The following PPM1E variants were observed in gnomAD, a reference collection of about 807,000 sequenced individuals.
The protein encoded by PPM1E is protein phosphatase 1E.
In PPM1E, 20 loss-of-function variants were observed where a neutral mutation model predicts 65.9. The observed-to-expected ratio is 0.30, with a 90% CI of 0.21 to 0.44. The LOEUF (loss-of-function observed/expected upper bound fraction) is 0.44, where lower values mean the gene tolerates loss of function less well. Among genes scored for constraint, PPM1E ranks in the 20% least tolerant of loss-of-function variants. The pLI is 1.00. For missense variants in PPM1E, 713 were observed against 953.1 expected (o/e 0.75, Z 3.32); for synonymous variants, 352 against 374.9 (o/e 0.94, Z 0.70).
At position 58,893,379 on chromosome 17, in the gene PPM1E, G is replaced by A. The variant is rs188774511; in HGVS notation, c.465-62270G>A. 2.6e-5 allele frequency among the ~76,000 whole-genome samples: 4 copies of A among 152,230 alleles called. No individual in the cohort carries two copies. In the East Asian group the frequency reaches 7.7e-4, roughly 29 times the overall value. ...TGAAAAGGATGCCTATTGTATGATT[G>A]CAACTATATAACATACTGGAAAAAG... On this transcript the variant is annotated intron_variant, in intron 1 of 6. Coordinates refer to ENST00000308249, the MANE Select transcript of PPM1E (RefSeq NM_014906.5).
chr17:58,887,981 G>T (rs1268070634), intron 1 of PPM1E, among the ~76,000 whole-genome samples: 1 of 152,192 alleles, frequency 6.6e-6, no homozygotes, highest in Admixed American at 6.6e-5. Context: ...ACTTGTTTAT[G>T]TGGTGTACGT....
chr17:58,922,583 T>C (rs2051766455), intron 1 of PPM1E, among the ~76,000 whole-genome samples: 1 of 152,122 alleles, frequency 6.6e-6, no homozygotes, highest in Non-Finnish European at 1.5e-5. Flanking sequence ...ATGGCTGCAT[T>C]GTATTCCATT....
At chr17:58,909,887 TTTTC>T (rs753479819) in intron 1 of PPM1E, among the ~76,000 whole-genome samples, 98 of 150,512 alleles carry the variant, frequency 6.5e-4, no homozygotes, top group East Asian at 4.1e-3. Context: ...TCTTAGTCAT[TTTTC>T]TTTCTTTCTT....
intron 6 of PPM1E, among the ~76,000 whole-genome samples, chr17:58,978,719 T>C (rs2031178114): frequency 6.6e-6 from 1 of 151,952 alleles, no homozygotes; most frequent in Non-Finnish European, 1.5e-5. Flanking sequence ...AATAAAAAAG[T>C]GAATTGAGAG....
intron 1 of PPM1E, among the ~76,000 whole-genome samples, chr17:58,947,564 C>T (rs565363519): frequency 3.4e-5 from 5 of 147,714 alleles, no homozygotes; most frequent in African/African-American, 1.0e-4. Context: ...ACTTATTTGA[C>T]CTCTCAGCAA....
intron 1 of PPM1E, among the ~76,000 whole-genome samples, chr17:58,867,046 T>C (rs1340675226): frequency 6.6e-6 from 1 of 152,222 alleles, no homozygotes; most frequent in Non-Finnish European, 1.5e-5. Context: ...AGTGGTATGA[T>C]CTCGGCTCAC....
At chr17:58,761,480 T>C (rs1325159005) in intron 1 of PPM1E, among the ~76,000 whole-genome samples, 2 of 152,212 alleles carry the variant, frequency 1.3e-5, no homozygotes, top group Non-Finnish European at 2.9e-5. Flanking sequence ...ATCCACCCAC[T>C]TCATCCCAGC....
At chr17:58,765,387 A>G (rs1004781670) in intron 1 of PPM1E, among the ~76,000 whole-genome samples, 1 of 151,924 alleles carries the variant, frequency 6.6e-6, no homozygotes, top group South Asian at 2.1e-4. Flanking sequence ...CATGTTGGCC[A>G]GGATGGTCTT....
intron 1 of PPM1E, chr17:58,899,603 G>T: frequency 4.5e-6 from 1 of 220,326 alleles, no homozygotes; most frequent in Non-Finnish European, 9.6e-6. Flanking sequence ...CTGTAAAGTG[G>T]TTGGTTGCAG....
intron 1 of PPM1E, among the ~76,000 whole-genome samples, chr17:58,920,780 G>T (rs914237116): frequency 1.3e-5 from 2 of 152,024 alleles, no homozygotes; most frequent in African/African-American, 4.8e-5. Context: ...ACATACAATG[G>T]GAGTCATCAG....
Position 58,943,276 on chromosome 17 carries a change from A to G in PPM1E, c.465-12373A>G, listed in dbSNP as rs145482841. ...TGCAAAACCCCAAATCCTTCTTGTC[A>G]GAGACATTTCTCTAAAACTTAAATA... On this transcript the variant is annotated intron_variant, in intron 1 of 6. Transcript: ENST00000308249. Among the ~76,000 whole-genome samples the G allele has an allele frequency of 1.0e-3, 158 of 152,192 alleles. 1 individual carries two copies. Among genetic ancestry groups the G allele is most frequent in the African/African-American group, 3.6e-3 (150 of 41,528 alleles).
intron 1 of PPM1E, among the ~76,000 whole-genome samples, chr17:58,917,903 CTCTAT>C (rs1275296067): frequency 6.6e-6 from 1 of 152,008 alleles, no homozygotes; most frequent in Non-Finnish European, 1.5e-5. Context: ...TGGTAAATTA[CTCTAT>C]TCTTAGTTGG....
chr17:58,813,643 G>A (rs2050390410), intron 1 of PPM1E, among the ~76,000 whole-genome samples: 1 of 152,108 alleles, frequency 6.6e-6, no homozygotes, highest in Admixed American at 6.6e-5. Context: ...AAGATTAAAT[G>A]GGGGAATAAA....
At position 58,805,958 on chromosome 17, in the gene PPM1E, AAACAAAAAAAAAAAACAAAAAAAAAAC is replaced by A. The variant is rs1308397857; in HGVS notation, c.464+49500_464+49526del. Among the ~76,000 whole-genome samples the A allele has an allele frequency of 3.0e-5, 3 of 100,098 alleles. 1 individual carries two copies. The highest frequency in any genetic ancestry group is 2.0e-5 in the Non-Finnish European group (1 of 49,758). The allele number at this position is 100,098 out of a possible 152,430, so 65.7% of individuals were successfully genotyped here. ...GTTCAGGCTGTTCTGCTAAAAAAAAAAACAAAAAAAAAAAACAAAAAAAAAACAAAACAAAACAAAACAAAAAAAAAA... is the reference window on the plus strand; with the variant it reads ...GTTCAGGCTGTTCTGCTAAAAAAAAAAAAACAAAACAAAACAAAAAAAAAA... On this transcript the variant is annotated intron_variant, in intron 1 of 6. Coordinates refer to ENST00000308249, the MANE Select transcript of PPM1E (RefSeq NM_014906.5).
chr17:58,961,126 C>T (rs1008133421), intron 2 of PPM1E, among the ~76,000 whole-genome samples: 15 of 151,976 alleles, frequency 9.9e-5, no homozygotes, highest in African/African-American at 3.4e-4. Context: ...ACTAGACCTC[C>T]CGATATTAAA....
Position 58,756,280 on chromosome 17 carries a change from G to C in PPM1E, c.283G>C (p.Gly95Arg). The change falls in exon 1 of 7, where the codon GGT becomes CGT. Residue 95 changes from glycine (G) to arginine (R), a missense_variant. Around this residue, in one of 6 missense-constraint regions of PPM1E, gnomAD observed 212 missense variants for 204.0 expected, o/e 1.04. Coordinates refer to ENST00000308249, the MANE Select transcript of PPM1E (RefSeq NM_014906.5). ...PEPEEEAAVE[G>R]EEEEEGAATA... ...GCCCGAGGAGGAGGCGGCGGTTGAGGGTGAGGAGGAGGAGGAGGGCGCGGC... is the reference window on the plus strand; with the variant it reads ...GCCCGAGGAGGAGGCGGCGGTTGAGCGTGAGGAGGAGGAGGAGGGCGCGGC... The C allele has an allele frequency of 6.5e-7, 1 of 1,546,132 alleles. No individual in the cohort carries two copies. The highest frequency in any genetic ancestry group is 8.7e-7 in the Non-Finnish European group (1 of 1,144,946).
At chr17:58,955,820 A>C (rs1349098371) in intron 2 of PPM1E, 53 bp downstream of exon 2, 1 of 1,498,384 alleles carries the variant, frequency 6.7e-7, no homozygotes, top group African/African-American at 1.4e-5. Flanking sequence ...TTCTATATGT[A>C]GTGGTCCACA....
Position 58,961,083 on chromosome 17 carries a change from C to G in PPM1E, c.584-4611C>G, listed in dbSNP as rs1028265542. Among the ~76,000 whole-genome samples, 4 of 152,108 alleles carry G rather than the reference C, an allele frequency of 2.6e-5. No individual in the cohort carries two copies. The East Asian group carries it at 7.7e-4, about 29-fold the overall frequency. ...AATAAACATAAAACTACCCAAGTGACATCCTTTAAAATTAAGAGTAATAGG... is the reference window on the plus strand; with the variant it reads ...AATAAACATAAAACTACCCAAGTGAGATCCTTTAAAATTAAGAGTAATAGG... On this transcript the variant is annotated intron_variant, in intron 2 of 6. Transcript: ENST00000308249.
intron 1 of PPM1E, among the ~76,000 whole-genome samples, chr17:58,898,445 A>G (rs2143458782): frequency 6.6e-6 from 1 of 152,310 alleles, no homozygotes; most frequent in Admixed American, 6.5e-5. Flanking sequence ...AATGCAAATC[A>G]AAACCACAAT....
Sources: gnomAD v4.1 joint callset for allele counts (sites outside exome capture counted in the v4.1 genomes callset) on GRCh38, gnomAD v4.1.1 for gene constraint, gnomAD v4.1.1 regional missense constraint, MANE v1.5 for transcripts, NCBI Gene and HGNC (gene_info 2026-07-23, HGNC 2026-07-21) for gene names.